Variants in SLMAP observed in about 807,000 individuals in gnomAD.
SLMAP encodes the protein sarcolemmal membrane-associated protein.
In SLMAP, 44 loss-of-function variants were observed where a neutral mutation model predicts 128.8. The ratio of observed to expected loss-of-function variants is 0.34; its 90% CI spans 0.27 to 0.44. SLMAP has a LOEUF of 0.44. Ranked by LOEUF, SLMAP falls within the 20% of genes least tolerant of loss-of-function variation. The probability of loss-of-function intolerance (pLI) is 1.00; values close to 1 mark genes in which losing one functional copy is unlikely to be tolerated. For missense variants in SLMAP, 787 were observed against 985.3 expected, an observed-to-expected ratio of 0.80 and a Z score of 2.69; for synonymous variants, 327 against 348.8, an observed-to-expected ratio of 0.94 and a Z score of 0.70.
At chr3:57,843,324 T>C (rs2094049710) in intron 4 of SLMAP, among the ~76,000 whole-genome samples, 2 of 139,776 alleles carry the variant, frequency 1.4e-5, no homozygotes, top group African/African-American at 5.2e-5. Context: ...TTTTTTTTTT[T>C]TTTTTCTTTG....
chr3:57,919,690 A>T (rs972791120), intron 22 of SLMAP, among the ~76,000 whole-genome samples: 1 of 151,398 alleles, frequency 6.6e-6, no homozygotes, highest in South Asian at 2.1e-4. Context: ...GTTACTTGGG[A>T]GGCTGAGGCA....
At chr3:57,886,058 A>C (rs548169430) in intron 14 of SLMAP, among the ~76,000 whole-genome samples, 5 of 150,774 alleles carry the variant, frequency 3.3e-5, no homozygotes, top group African/African-American at 9.8e-5. Flanking sequence ...CTGGAATTAC[A>C]GGCATGAGCC....
intron 24 of SLMAP, chr3:57,926,240 A>G: frequency 3.3e-6 from 1 of 299,118 alleles, no homozygotes; most frequent in Non-Finnish European, 6.2e-6. Context: ...AATTTCTGCA[A>G]TATTAGTACC....
At chr3:57,794,721 G>A (rs960999770) in intron 2 of SLMAP, among the ~76,000 whole-genome samples, 54 of 152,046 alleles carry the variant, frequency 3.6e-4, no homozygotes, top group Admixed American at 3.3e-3. Context: ...CTTTCATTTA[G>A]CATTTTCAAG....
intron 6 of SLMAP, among the ~76,000 whole-genome samples, chr3:57,852,567 C>T (rs1398585316): frequency 6.6e-6 from 1 of 152,150 alleles, no homozygotes; most frequent in African/African-American, 2.4e-5. Context: ...GCACTTAGAA[C>T]AGTTCCTGGC....
chr3:57,855,535 G>A (rs2094725700), intron 6 of SLMAP, among the ~76,000 whole-genome samples: 1 of 151,810 alleles, frequency 6.6e-6, no homozygotes, highest in Middle Eastern at 3.2e-3. Flanking sequence ...GGACATTACT[G>A]TAGACTTTAT....
intron 2 of SLMAP, among the ~76,000 whole-genome samples, chr3:57,760,297 C>T (rs2078361970): frequency 6.6e-6 from 1 of 152,164 alleles, no homozygotes; most frequent in Non-Finnish European, 1.5e-5. Flanking sequence ...CTTATTTCTA[C>T]CATTTTCACT....
At chr3:57,873,760 A>C (rs1446280346) in intron 14 of SLMAP, among the ~76,000 whole-genome samples, 2 of 152,078 alleles carry the variant, frequency 1.3e-5, no homozygotes, top group Non-Finnish European at 2.9e-5. Context: ...GGATCCCTTG[A>C]GGCCAGGAGA....
chr3:57,765,996 C>G (rs559809573), intron 2 of SLMAP, among the ~76,000 whole-genome samples: 53 of 145,888 alleles, frequency 3.6e-4, no homozygotes, highest in Non-Finnish European at 6.6e-4. Flanking sequence ...GTCTGATTTT[C>G]TTTCTTTTTT....
chr3:57,801,616 C>T (rs578211815), intron 2 of SLMAP, among the ~76,000 whole-genome samples: 2 of 150,186 alleles, frequency 1.3e-5, no homozygotes, highest in Non-Finnish European at 3.0e-5. Context: ...TCCATTCTTC[C>T]ATTGTTGAAT....
Position 57,922,867 on chromosome 3 carries a change from CT to C in SLMAP, c.2311-13del, listed in dbSNP as rs3832206. On this transcript the variant is annotated intron_variant, in intron 22 of 24. Transcript: ENST00000671191. ...ACCCATTTTAAGTTGTATCTGCACACTTTTTTTTTCTTTGCCTTTAGTATGA... is the reference window on the plus strand; with the variant it reads ...ACCCATTTTAAGTTGTATCTGCACACTTTTTTTTCTTTGCCTTTAGTATGA... 0.19 allele frequency: 297,137 copies of C among 1,595,556 alleles called. 30,106 individuals are homozygous for C. The highest frequency in any genetic ancestry group is 0.4 in the East Asian group (18,003 of 44,666).
At chr3:57,835,146 A>G (rs908342987) in intron 3 of SLMAP, among the ~76,000 whole-genome samples, 1 of 150,598 alleles carries the variant, frequency 6.6e-6, no homozygotes, top group African/African-American at 2.4e-5. Flanking sequence ...AAAAAAAAAA[A>G]AAATGCTATT....
At chr3:57,884,078 G>T (rs941338778) in intron 14 of SLMAP, among the ~76,000 whole-genome samples, 1 of 151,474 alleles carries the variant, frequency 6.6e-6, no homozygotes, top group Non-Finnish European at 1.5e-5. Flanking sequence ...AAGGGCATAC[G>T]TCACCACACC....
intron 14 of SLMAP, among the ~76,000 whole-genome samples, chr3:57,881,193 CA>C (rs530295394): frequency 1.5e-4 from 21 of 142,958 alleles, no homozygotes; most frequent in Non-Finnish European, 1.5e-4. Context: ...GACTCCATCT[CA>C]AAAAAAAAAA....
In SLMAP at chr3:57,912,531, C is replaced by G; in HGVS notation, c.1850C>G (p.Thr617Ser). ...AAAKVASERDTDIASLQEELK... is the reference protein window; with the variant it reads ...AAAKVASERDSDIASLQEELK... ...GCAAAGGTTGCCTCTGAGCGGGACACTGACATTGCTTCTTTACAAGAAGAG... is the reference window on the plus strand; with the variant it reads ...GCAAAGGTTGCCTCTGAGCGGGACAGTGACATTGCTTCTTTACAAGAAGAG... The change falls in exon 20 of 25, where the codon ACT (threonine) becomes AGT (serine). Residue 617 changes from threonine (T) to serine (S), a missense_variant. Thr to Ser is a moderately conservative substitution (Grantham distance 58). Coordinates refer to ENST00000671191, the MANE Select transcript of SLMAP (RefSeq NM_001377540.1). 6.2e-7 allele frequency: 1 copy of G among 1,614,180 alleles called. No individual in the cohort carries two copies.
intron 14 of SLMAP, among the ~76,000 whole-genome samples, chr3:57,883,912 TTTC>T (rs978442390): frequency 7.3e-5 from 11 of 149,932 alleles, no homozygotes; most frequent in Non-Finnish European, 1.6e-4. Context: ...TTTTCTTATT[TTTC>T]TTCTTCTTTT....
At chr3:57,810,048 C>T (rs1232160685) in intron 2 of SLMAP, among the ~76,000 whole-genome samples, 2 of 152,176 alleles carry the variant, frequency 1.3e-5, no homozygotes, top group Admixed American at 6.5e-5. Context: ...AGACCTGGAG[C>T]TCCCCAAGCC....
chr3:57,899,503 A>G (rs1288432696), intron 17 of SLMAP: 2 of 152,204 alleles, frequency 1.3e-5, no homozygotes, highest in Non-Finnish European at 2.9e-5. Flanking sequence ...TAGTATCTTT[A>G]TAAATACCTG....
chr3:57,815,144 A>G (rs1270239869), intron 2 of SLMAP, among the ~76,000 whole-genome samples: 3 of 152,182 alleles, frequency 2.0e-5, no homozygotes, highest in African/African-American at 7.2e-5. Flanking sequence ...CATTAGTTAG[A>G]TGTGCAACCT....
Sources: allele counts gnomAD v4.1 joint callset (sites outside exome capture counted in the v4.1 genomes callset), GRCh38; gene constraint gnomAD v4.1.1; transcripts MANE v1.5; gene names NCBI Gene and HGNC (gene_info 2026-07-23, HGNC 2026-07-21).